The following EEF1A2 variants were observed in gnomAD, a reference collection of about 807,000 sequenced individuals.
EEF1A2 encodes the protein eukaryotic translation elongation factor 1 alpha 2, also known as elongation factor 1-alpha 2.
EEF1A2 carries 5 observed loss-of-function variants against 39.3 expected under a neutral mutation model. The observed-to-expected ratio is 0.13, with a 90% CI of 0.07 to 0.27. The LOEUF (loss-of-function observed/expected upper bound fraction) is 0.27. Ranked by LOEUF, EEF1A2 falls within the 10% of genes least tolerant of loss-of-function variation. The pLI is 1.00. For synonymous variants in EEF1A2, 287 were observed against 293.7 expected, an observed-to-expected ratio of 0.98 and a Z score of 0.23; for missense variants, 218 against 681.4, an observed-to-expected ratio of 0.32 and a Z score of 7.57.
rs1234524642 is a variant in EEF1A2, at chr20:63,494,721, C to T, written c.621+84G>A. 4.3e-5 allele frequency: 64 copies of T among 1,500,946 alleles called. 1 individual carries two copies. The East Asian group carries it at 4.6e-4, about 11-fold the overall frequency. The allele number at this position is 1,500,946 out of a possible 1,614,324, so 93.0% of individuals were successfully genotyped here. On this transcript the variant is annotated intron_variant, in intron 4 of 7. Coordinates refer to ENST00000217182, the MANE Select transcript of EEF1A2 (RefSeq NM_001958.5). ...TTTCCCGGGGACAGGCCCTCGACCT[C>T]CCCGTGCCACCTGCCGGTGCCTCGC...
intron 5 of EEF1A2, among the ~76,000 whole-genome samples, chr20:63,492,113 G>A (rs1158930063): frequency 7.0e-6 from 1 of 143,592 alleles, no homozygotes; most frequent in Non-Finnish European, 1.5e-5. Context: ...GAGATGGATG[G>A]ATGGATGGAT....
At chr20:63,491,423 G>A (rs1416809729) in intron 5 of EEF1A2, among the ~76,000 whole-genome samples, 7 of 152,240 alleles carry the variant, frequency 4.6e-5, no homozygotes, top group Admixed American at 4.6e-4. Context: ...TCCCAGGGCT[G>A]TGAGGGAGGC....
intron 7 of EEF1A2, among the ~76,000 whole-genome samples, 168 bp downstream of exon 7, chr20:63,488,750 T>C (rs1018286871): frequency 8.5e-5 from 13 of 152,176 alleles, no homozygotes; most frequent in Non-Finnish European, 1.9e-4. Context: ...CAGGGTCACC[T>C]GCACTCAGTG....
rs1051968332 is a variant in EEF1A2 at position 63,488,871 on chromosome 20, T to G, written c.1264+47A>C. On this transcript the variant is annotated intron_variant, in intron 7 of 7. Coordinates refer to ENST00000217182, the MANE Select transcript of EEF1A2 (RefSeq NM_001958.5). Reference sequence around the variant, plus strand: ...CGCAGTCCTCTGCCCTCAGCCTGGATCAGCCACAGCCTGGGGGCTGCACCT... The same window carrying G: ...CGCAGTCCTCTGCCCTCAGCCTGGAGCAGCCACAGCCTGGGGGCTGCACCT... 1.9e-6 allele frequency: 3 copies of G among 1,589,752 alleles called. No homozygotes were observed. The African/African-American group carries it at 4.0e-5, about 21-fold the overall frequency.
Position 63,490,695 on chromosome 20 carries a change from G to T in EEF1A2, c.813C>A (p.Ile271=). 6.2e-7 allele frequency: 1 copy of T among 1,608,084 alleles called. No individual in the cohort carries two copies. The highest frequency in any genetic ancestry group is 8.5e-7 in the Non-Finnish European group (1 of 1,178,748). Residue 271 remains isoleucine (I), a synonymous_variant, in exon 6 of 8, where the codon ATC becomes ATA. Transcript: ENST00000217182. The part of the protein sequence containing the change: ...TVPVGRVETG[I]LRPGMVVTFA... ...AGGTCACCACCATGCCCGGCCGCAG[G>T]ATGCCGGTCTCCACCCGGCCCACGG...
At chr20:63,491,598 T>C (rs1412607901) in intron 5 of EEF1A2, among the ~76,000 whole-genome samples, 1 of 152,106 alleles carries the variant, frequency 6.6e-6, no homozygotes, top group Non-Finnish European at 1.5e-5. Context: ...CTCAGATTTG[T>C]TTATGGTTTC....
At chr20:63,489,363 ATTG>A (rs1426093671) in intron 6 of EEF1A2, among the ~76,000 whole-genome samples, 1 of 151,350 alleles carries the variant, frequency 6.6e-6, no homozygotes, top group Non-Finnish European at 1.5e-5. Context: ...ACTGAGATTC[ATTG>A]TTTCGAAGGG....
intron 5 of EEF1A2, among the ~76,000 whole-genome samples, chr20:63,491,365 A>G (rs890068955): frequency 2.6e-5 from 4 of 152,204 alleles, no homozygotes; most frequent in African/African-American, 9.7e-5. Context: ...TGCAGCTGCC[A>G]CATGGGGGTC....
chr20:63,492,812 A>G (rs530969140), intron 5 of EEF1A2, among the ~76,000 whole-genome samples: 153 of 10,186 alleles, frequency 0.015, 4 homozygotes, highest in African/African-American at 0.041. Context: ...TTCGATAGAG[A>G]GAAGGATGGA....
At chr20:63,491,695 T>C (rs11086168) in intron 5 of EEF1A2, among the ~76,000 whole-genome samples, 5,896 of 145,176 alleles carry the variant, frequency 0.041, 381 homozygotes, top group African/African-American at 0.14. Flanking sequence ...GGGTGGTAGA[T>C]GGATGGGGAG....
chr20:63,496,078 C>T (rs1382231169), intron 2 of EEF1A2, 43 bp from the exon 3 acceptor site: 2 of 1,604,096 alleles, frequency 1.2e-6, no homozygotes, highest in Non-Finnish European at 1.7e-6. Flanking sequence ...GACCCGGGAC[C>T]CAGGAGTCCC....
chr20:63,495,779 T>A (rs2082413533), intron 3 of EEF1A2, 77 bp downstream of exon 3: 1 of 1,543,464 alleles, frequency 6.5e-7, no homozygotes, highest in African/African-American at 1.4e-5. Flanking sequence ...ACCATCCCAG[T>A]GACCCCAGGG....
chr20:63,496,012 A>G lies in EEF1A2; in HGVS notation c.168T>C (p.Tyr56=), dbSNP rs375914627. Residue 56 remains tyrosine (Y), a synonymous_variant, in exon 3 of 8, where the codon TAT becomes TAC. Transcript: ENST00000217182. ...CCTTCAGCTTGTCCAGCACCCAGGC[A>G]TACTTGAAGGATCCCTTCCCCATCT... ...AAEMGKGSFK[Y]AWVLDKLKAE... is the part of the protein sequence containing the mutation. 1.2e-6 allele frequency: 2 copies of G among 1,612,688 alleles called. No individual in the cohort carries two copies. Among genetic ancestry groups the G allele is most frequent in the African/African-American group, 2.7e-5 (2 of 74,922 alleles).
At chr20:63,496,351 C>T (rs537234226) in intron 2 of EEF1A2, 3 of 357,080 alleles carry the variant, frequency 8.4e-6, no homozygotes, top group East Asian at 1.1e-4. Context: ...CCCTCCCGGG[C>T]GAGGGCTCCC....
intron 5 of EEF1A2, among the ~76,000 whole-genome samples, chr20:63,491,911 TG>T (rs1194225224): frequency 2.5e-5 from 3 of 119,898 alleles, no homozygotes; most frequent in Non-Finnish European, 5.2e-5. Flanking sequence ...GATGGATGGA[TG>T]GGGGGATAGA....
chr20:63,488,851 T>C, intron 7 of EEF1A2, 67 bp downstream of exon 7: 1 of 1,543,174 alleles, frequency 6.5e-7, no homozygotes, highest in South Asian at 1.1e-5. Context: ...ATCCCCGCAG[T>C]CCTCTGCCCT....
chr20:63,493,916 G>A (rs1439214877), intron 4 of EEF1A2, among the ~76,000 whole-genome samples: 2 of 152,254 alleles, frequency 1.3e-5, no homozygotes, highest in Non-Finnish European at 2.9e-5. Context: ...GGAGTGCAGG[G>A]TCCCTGATGG....
chr20:63,492,114 ATG>A (rs2082385669), intron 5 of EEF1A2, among the ~76,000 whole-genome samples: 1 of 124,188 alleles, frequency 8.1e-6, no homozygotes, highest in Non-Finnish European at 1.7e-5. Context: ...AGATGGATGG[ATG>A]GATGGATGGA....
intron 6 of EEF1A2, 162 bp downstream of exon 6, chr20:63,490,317 G>T: frequency 9.5e-6 from 8 of 845,448 alleles, no homozygotes; most frequent in East Asian, 2.7e-5. Flanking sequence ...TGCCCGCCTC[G>T]GCCTCTCAAA....
Sources: gnomAD v4.1 joint callset for allele counts (sites outside exome capture counted in the v4.1 genomes callset) on GRCh38, gnomAD v4.1.1 for gene constraint, MANE v1.5 for transcripts, NCBI Gene and HGNC (gene_info 2026-07-23, HGNC 2026-07-21) for gene names.